The following USH2A variants were observed in gnomAD, a reference collection of about 807,000 sequenced individuals.
USH2A encodes the protein Usher syndrome 2A (autosomal recessive, mild).
USH2A carries 443 observed loss-of-function variants against 538.9 expected under a neutral mutation model. That is an observed-to-expected ratio of 0.82 (90% CI 0.76 to 0.89). The LOEUF (loss-of-function observed/expected upper bound fraction) is 0.89, where lower values mean the gene tolerates loss of function less well. Among genes scored for constraint, USH2A ranks in the 40% least tolerant of loss-of-function variants. The pLI, the probability that USH2A is intolerant of heterozygous loss-of-function variation, is 0.00. For missense variants in USH2A, 6,633 were observed against 6,324.8 expected (o/e 1.05, Z -1.65); for synonymous variants, 2,413 against 2,273.5 (o/e 1.06, Z -1.75).
chr1:215,729,571 G>A lies in USH2A; in HGVS notation c.11712-1187C>T, dbSNP rs192049079. On this transcript the variant is annotated intron_variant, in intron 60 of 71. Coordinates refer to ENST00000307340, the MANE Select transcript of USH2A (RefSeq NM_206933.4). The stretch of plus-strand genomic sequence containing the variant: ...CTGAGTAGAGAAGATGGAGCTATGT[G>A]CAGATTAATGAAAATAACATGATAA... Among the ~76,000 whole-genome samples, 720 of 152,218 alleles carry A rather than the reference G, an allele frequency of 4.7e-3. 2 individuals are homozygous for A. Among genetic ancestry groups the A allele is most frequent in the African/African-American group, 0.017 (694 of 41,500 alleles).
At position 215,749,729 on chromosome 1, in the gene USH2A, A is replaced by G. The variant is rs550460780; in HGVS notation, c.11390-6394T>C. On this transcript the variant is annotated intron_variant, in intron 58 of 71. Transcript: ENST00000307340. ...AGAGGAGCAGTGGAAGCTCAAGTGAACCAATTTACCCTAAGTGCAAATGGC... is the reference window on the plus strand; with the variant it reads ...AGAGGAGCAGTGGAAGCTCAAGTGAGCCAATTTACCCTAAGTGCAAATGGC... Among the ~76,000 whole-genome samples the G allele has an allele frequency of 2.1e-4, 32 of 152,334 alleles. No individual in the cohort carries two copies. The East Asian group carries it at 5.6e-3, about 27-fold the overall frequency.
At chr1:215,678,754 T>C (rs1658120733) in intron 62 of USH2A, among the ~76,000 whole-genome samples, 2 of 152,188 alleles carry the variant, frequency 1.3e-5, no homozygotes, top group South Asian at 4.2e-4. Context: ...TCACACACGG[T>C]CTGTAACATC....
intron 64 of USH2A, among the ~76,000 whole-genome samples, chr1:215,659,067 A>T (rs980937067): frequency 2.6e-5 from 4 of 152,226 alleles, no homozygotes; most frequent in African/African-American, 9.6e-5. Context: ...GGCTGGCATT[A>T]ACATCCTGGT....
chr1:216,275,076 G>A (rs750589775), intron 11 of USH2A, among the ~76,000 whole-genome samples: 1 of 152,052 alleles, frequency 6.6e-6, no homozygotes, highest in Non-Finnish European at 1.5e-5. Flanking sequence ...TTAAGAGGAA[G>A]CAATGTAATT....
intron 9 of USH2A, among the ~76,000 whole-genome samples, chr1:216,310,395 A>AT (rs1040447581): frequency 1.3e-5 from 2 of 151,904 alleles, no homozygotes; most frequent in African/African-American, 4.8e-5. Context: ...AAATTTTGGA[A>AT]TTTTTTGTTA....
At chr1:215,700,653 A>T (rs1658981356) in intron 61 of USH2A, among the ~76,000 whole-genome samples, 1 of 152,130 alleles carries the variant, frequency 6.6e-6, no homozygotes, top group Non-Finnish European at 1.5e-5. Flanking sequence ...CAGTAGCGAT[A>T]TTCCCTTTGT....
chr1:215,904,956 G>A (rs1238525616), intron 38 of USH2A, among the ~76,000 whole-genome samples: 2 of 151,904 alleles, frequency 1.3e-5, no homozygotes, highest in Non-Finnish European at 2.9e-5. Context: ...TACGCCACTG[G>A]ACTCTCATCT....
intron 64 of USH2A, among the ~76,000 whole-genome samples, chr1:215,663,941 G>A (rs936307641): frequency 4.6e-5 from 7 of 152,106 alleles, no homozygotes; most frequent in African/African-American, 1.7e-4. Context: ...CCTGGTGAAA[G>A]TGTGCAGAAT....
intron 30 of USH2A, among the ~76,000 whole-genome samples, chr1:216,053,817 A>G (rs1052354714): frequency 2.6e-5 from 4 of 152,174 alleles, no homozygotes; most frequent in Admixed American, 2.6e-4. Flanking sequence ...TTTGAAGTCA[A>G]GTAAGTAGAT....
intron 61 of USH2A, among the ~76,000 whole-genome samples, chr1:215,694,336 G>T (rs188303204): frequency 8.5e-5 from 13 of 152,290 alleles, no homozygotes; most frequent in African/African-American, 3.1e-4. Flanking sequence ...CACTTTGGGA[G>T]GCCAAGGCGG....
At chr1:216,342,532 G>T (rs1457608370) in intron 4 of USH2A, among the ~76,000 whole-genome samples, 1 of 152,084 alleles carries the variant, frequency 6.6e-6, no homozygotes, top group Non-Finnish European at 1.5e-5. Context: ...AAAGACACAT[G>T]CACACATATG....
At chr1:215,768,115 ATAC>A (rs1285580459) in intron 55 of USH2A, among the ~76,000 whole-genome samples, 1 of 152,138 alleles carries the variant, frequency 6.6e-6, no homozygotes, top group Admixed American at 6.5e-5. Flanking sequence ...TTCTCCTCAA[ATAC>A]TACATTTTAA....
chr1:215,700,989 G>C (rs1243254148), intron 61 of USH2A, among the ~76,000 whole-genome samples: 1 of 152,186 alleles, frequency 6.6e-6, no homozygotes, highest in Non-Finnish European at 1.5e-5. Flanking sequence ...CTGTGTCCCA[G>C]AGATTCTGGT....
chr1:215,626,118 T>C (rs1264597583), intron 71 of USH2A, among the ~76,000 whole-genome samples: 2 of 151,766 alleles, frequency 1.3e-5, no homozygotes, highest in African/African-American at 4.8e-5. Context: ...TATTGTGTCA[T>C]ATTTTAACCT....
chr1:216,154,739 C>T (rs61619822), intron 21 of USH2A, among the ~76,000 whole-genome samples: 7,823 of 152,160 alleles, frequency 0.051, 646 homozygotes, highest in African/African-American at 0.17. Context: ...AGTGGAATTA[C>T]GATTAAGTGT....
In USH2A at chr1:215,970,610, A is replaced by G. The variant is rs1157841648; in HGVS notation, c.6957+15T>C. ...ACATTTAACACATTCCTAGAATGTA[A>G]ATTTAGATACTCACCAGTGGGCCCA... On this transcript the variant is annotated intron_variant, in intron 36 of 71. Transcript: ENST00000307340. 1 of 1,613,496 alleles carries G rather than the reference A, an allele frequency of 6.2e-7. No individual in the cohort carries two copies. Among genetic ancestry groups the G allele is most frequent in the Admixed American group, 1.7e-5 (1 of 59,908 alleles).
At chr1:216,085,200 TA>T in intron 24 of USH2A, 2 of 294,402 alleles carry the variant, frequency 6.8e-6, no homozygotes, top group Non-Finnish European at 1.3e-5. Flanking sequence ...TAAAGTACTA[TA>T]ATTTTAAAAG....
At position 216,163,974 on chromosome 1, in the gene USH2A, A is replaced by C. The variant is rs74141515; in HGVS notation, c.4627+11278T>G. Among the ~76,000 whole-genome samples, 902 of 152,132 alleles carry C rather than the reference A, an allele frequency of 5.9e-3. 7 individuals are homozygous for C. Among genetic ancestry groups the C allele is most frequent in the African/African-American group, 0.021 (857 of 41,524 alleles). On this transcript the variant is annotated intron_variant, in intron 21 of 71. Transcript: ENST00000307340. ...TTTTGAGAAATTTTTTCCAGCTTCT[A>C]TTTCTTTTCTCAGCAGGAGGATTTT...
intron 21 of USH2A, among the ~76,000 whole-genome samples, chr1:216,162,568 G>A (rs2034080563): frequency 1.3e-5 from 2 of 151,974 alleles, no homozygotes; most frequent in Admixed American, 1.3e-4. Flanking sequence ...CTGTTTTGAC[G>A]GGAAGTAAAA....
Sources: allele counts gnomAD v4.1 joint callset (sites outside exome capture counted in the v4.1 genomes callset), GRCh38; gene constraint gnomAD v4.1.1; transcripts MANE v1.5; gene names NCBI Gene and HGNC (gene_info 2026-07-23, HGNC 2026-07-21).